The following SLCO1C1 variants were observed in gnomAD, a reference collection of about 807,000 sequenced individuals.
The protein encoded by SLCO1C1 is OAT-RP-5.
SLCO1C1 carries 70 observed loss-of-function variants against 76.4 expected under a neutral mutation model. The ratio of observed to expected loss-of-function variants is 0.92; its 90% CI spans 0.76 to 1.12. The LOEUF is 1.12. SLCO1C1 is among the 50% of genes most tolerant of loss of function. The pLI, the probability that SLCO1C1 is intolerant of heterozygous loss-of-function variation, is 0.00. For synonymous variants in SLCO1C1, 306 were observed against 286.1 expected (o/e 1.07, Z -0.70); for missense variants, 912 against 823.8 (o/e 1.11, Z -1.31).
At chr12:20,697,176 A>G (rs964981019) in intron 1 of SLCO1C1, 21 of 152,038 alleles carry the variant, frequency 1.4e-4, no homozygotes, top group Non-Finnish European at 2.6e-4. Flanking sequence ...GATAAATGAT[A>G]GCAGATTTTA....
intron 9 of SLCO1C1, among the ~76,000 whole-genome samples, chr12:20,724,473 G>GTT (rs1947859599): frequency 6.9e-6 from 1 of 145,100 alleles, no homozygotes; most frequent in African/African-American, 2.5e-5. Context: ...GTGTGTGTGT[G>GTT]TGTGTCACAT....
intron 9 of SLCO1C1, among the ~76,000 whole-genome samples, chr12:20,730,039 C>G (rs903683376): frequency 6.6e-6 from 1 of 152,092 alleles, no homozygotes; most frequent in Non-Finnish European, 1.5e-5. Flanking sequence ...GAATCCAATA[C>G]GGCACATAGG....
intron 3 of SLCO1C1, among the ~76,000 whole-genome samples, chr12:20,701,787 C>A (rs1212441452): frequency 6.6e-6 from 1 of 151,834 alleles, no homozygotes; most frequent in Non-Finnish European, 1.5e-5. Context: ...AGTATCTTTA[C>A]AGAAGAACAA....
chr12:20,721,682 T>C (rs1214838224), intron 7 of SLCO1C1, 122 bp from the exon 8 acceptor site: 18 of 1,232,852 alleles, frequency 1.5e-5, no homozygotes, highest in Non-Finnish European at 2.0e-5. Flanking sequence ...AAAAATAGCA[T>C]AGATGAATTA....
chr12:20,750,803 A>G lies in SLCO1C1; in HGVS notation c.1916+11A>G. ...TTCAAATGTCTTCAGGTACCAAATC[A>G]AAAGCATTCCCGCATCTCATTGCTA... is the stretch of plus-strand genomic sequence containing the variant. On this transcript the variant is annotated intron_variant, in intron 14 of 14. Transcript: ENST00000266509. The G allele has an allele frequency of 1.2e-6, 2 of 1,614,002 alleles. No homozygotes were observed. Among genetic ancestry groups the G allele is most frequent in the Non-Finnish European group, 1.7e-6 (2 of 1,179,922 alleles).
At chr12:20,709,041 G>C (rs548088941) in intron 4 of SLCO1C1, among the ~76,000 whole-genome samples, 1 of 152,290 alleles carries the variant, frequency 6.6e-6, no homozygotes, top group Admixed American at 6.5e-5. Flanking sequence ...GCTGCTTGGA[G>C]AATTGATTCT....
chr12:20,704,918 A>C (rs2120632155), intron 3 of SLCO1C1, among the ~76,000 whole-genome samples: 1 of 152,048 alleles, frequency 6.6e-6, no homozygotes, highest in South Asian at 2.1e-4. Flanking sequence ...GAAGTCTAAA[A>C]CCCTAAACAA....
chr12:20,725,473 A>C (rs964404050), intron 9 of SLCO1C1, among the ~76,000 whole-genome samples: 1 of 147,060 alleles, frequency 6.8e-6, no homozygotes, highest in Non-Finnish European at 1.5e-5. Context: ...ATATAATAAT[A>C]ATGCTATTAT....
intron 9 of SLCO1C1, among the ~76,000 whole-genome samples, chr12:20,730,849 G>A (rs933531704): frequency 1.3e-5 from 2 of 152,230 alleles, no homozygotes; most frequent in East Asian, 1.9e-4. Flanking sequence ...GCTGCACAAC[G>A]GCTGAGACAC....
rs1451151871 is a variant in SLCO1C1, at chr12:20,717,332, G to A, written c.775+102G>A. 3.6e-6 allele frequency: 3 copies of A among 833,088 alleles called. No homozygotes were observed. The African/African-American group carries it at 5.5e-5, about 15-fold the overall frequency. The allele number at this position is 833,088 out of a possible 1,614,324, so 51.6% of individuals were successfully genotyped here. A position where few individuals can be genotyped will look rare whatever the true frequency, so the allele number is the denominator to read the frequency against. ...TCAAATTGCCTTTTTATAAAATGAT[G>A]GAGTTGTAATCTTTCATAAACTAAA... On this transcript the variant is annotated intron_variant, in intron 7 of 14. Transcript: ENST00000266509.
At chr12:20,722,176 G>A (rs1200994422) in intron 8 of SLCO1C1, 127 bp downstream of exon 8, 2 of 1,240,078 alleles carry the variant, frequency 1.6e-6, no homozygotes. Flanking sequence ...AAGCAAAAAT[G>A]GAAATTGATG....
Position 20,752,401 on chromosome 12 carries a change from AAC to A in SLCO1C1, c.2016_2017del (p.His672GlnfsTer25), listed in dbSNP as rs774915606. On this transcript the variant is annotated frameshift_variant, in exon 15 of 15. Transcript: ENST00000266509. LOFTEE classifies it high-confidence loss of function. ...ATTTTAAAGAAAAATTATGTTTCAA[AAC>A]ACAGAAGTTTTATAACCAAGAGAGA... 71 of 1,613,382 alleles carry A rather than the reference AAC, an allele frequency of 4.4e-5. No homozygotes were observed. The highest frequency in any genetic ancestry group is 5.3e-5 in the Non-Finnish European group (63 of 1,179,596).
chr12:20,708,171 TC>T (rs1224342958), intron 4 of SLCO1C1, among the ~76,000 whole-genome samples: 1 of 152,202 alleles, frequency 6.6e-6, no homozygotes, highest in Non-Finnish European at 1.5e-5. Flanking sequence ...ATGCTCTGTC[TC>T]CTTTGCAGAA....
chr12:20,722,025 G>A lies in SLCO1C1; in HGVS notation c.997G>A (p.Ala333Thr). Residue 333 changes from alanine to threonine, a missense_variant, in exon 8 of 15, where the codon GCA becomes ACA. Coordinates refer to ENST00000266509, the MANE Select transcript of SLCO1C1 (RefSeq NM_017435.5). The part of the protein sequence containing the change: ...TDYQTPQGEN[A>T]KIMEMARDFL... ...CTACCAAACACCCCAGGGAGAAAAT[G>A]CAAAAATAATGGAAATGGCAAGAGG... is the stretch of plus-strand genomic sequence containing the variant. 1 of 1,613,032 alleles carries A rather than the reference G, an allele frequency of 6.2e-7. No individual in the cohort carries two copies. Among genetic ancestry groups the A allele is most frequent in the Non-Finnish European group, 8.5e-7 (1 of 1,179,676 alleles).
Position 20,743,326 on chromosome 12 carries a change from G to C in SLCO1C1, c.1755G>C (p.Lys585Asn). 1 of 1,612,714 alleles carries C rather than the reference G, an allele frequency of 6.2e-7. No individual in the cohort carries two copies. The highest frequency in any genetic ancestry group is 8.5e-7 in the Non-Finnish European group (1 of 1,179,324). Residue 585 changes from lysine (K) to asparagine (N), a missense_variant, in exon 13 of 15, where the codon AAG becomes AAC. Transcript: ENST00000266509. ...TTAGGTGCATTAAGCCACAGCTTAA[G>C]TCTTTTGCCTTGGGTATCTACACAT... is the stretch of plus-strand genomic sequence containing the variant. ...LLLRCIKPQLKSFALGIYTLA... is the reference protein window; with the variant it reads ...LLLRCIKPQLNSFALGIYTLA...
chr12:20,699,936 G>C, intron 2 of SLCO1C1: 1 of 369,232 alleles, frequency 2.7e-6, no homozygotes, highest in Non-Finnish European at 4.8e-6. Context: ...ACAGAAAAGA[G>C]AGAAATAGTA....
chr12:20,717,349 T>C, intron 7 of SLCO1C1, 119 bp downstream of exon 7: 1 of 695,688 alleles, frequency 1.4e-6, no homozygotes, highest in Non-Finnish European at 2.3e-6. Context: ...TAATCTTTCA[T>C]AAACTAAAAA....
intron 9 of SLCO1C1, among the ~76,000 whole-genome samples, chr12:20,724,692 A>C (rs1284721133): frequency 6.7e-6 from 1 of 148,358 alleles, no homozygotes; most frequent in Non-Finnish European, 1.5e-5. Flanking sequence ...CTATGAGATT[A>C]TTTTATATTG....
intron 3 of SLCO1C1, among the ~76,000 whole-genome samples, chr12:20,703,987 G>GTGTA (rs60036032): frequency 2.1e-5 from 3 of 141,914 alleles, no homozygotes; most frequent in Non-Finnish European, 4.8e-5. Context: ...GTGTGTGTGT[G>GTGTA]CATAGACAGA....
Sources: allele counts gnomAD v4.1 joint callset (sites outside exome capture counted in the v4.1 genomes callset), GRCh38; gene constraint gnomAD v4.1.1; transcripts MANE v1.5; gene names NCBI Gene and HGNC (gene_info 2026-07-23, HGNC 2026-07-21).